Variants in NLGN4X observed in about 807,000 individuals in gnomAD.
NLGN4X encodes the protein neuroligin 4 X-linked, also known as neuroligin-4, X-linked.
In NLGN4X, 3 loss-of-function variants were observed where a neutral mutation model predicts 40.3. The ratio of observed to expected loss-of-function variants is 0.07; its 90% CI spans 0.03 to 0.19. The LOEUF is 0.19. Among genes scored for constraint, NLGN4X ranks in the 10% least tolerant of loss-of-function variants. The probability of loss-of-function intolerance (pLI) is 1.00; values close to 1 mark genes in which losing one functional copy is unlikely to be tolerated. For missense variants in NLGN4X, 382 were observed against 708.3 expected, an observed-to-expected ratio of 0.54 and a Z score of 5.23; for synonymous variants, 270 against 306.8, an observed-to-expected ratio of 0.88 and a Z score of 1.25.
At chrX:6,094,740 G>C (rs993346987) in intron 2 of NLGN4X, among the ~76,000 whole-genome samples, 2 of 111,702 alleles carry the variant, frequency 1.8e-5, no homozygotes, top group Admixed American at 9.5e-5. Context: ...GAAGATCTCA[G>C]AGGATCTGCT....
chrX:6,071,784 C>T (rs894396678), intron 2 of NLGN4X, among the ~76,000 whole-genome samples: 19 of 112,015 alleles, frequency 1.7e-4, no homozygotes, highest in African/African-American at 6.2e-4. Flanking sequence ...AATGAAGATG[C>T]TTGGAGAGTG....
chrX:6,157,006 C>A (rs1373304085), intron 1 of NLGN4X, among the ~76,000 whole-genome samples: 1 of 110,924 alleles, frequency 9.0e-6, no homozygotes, highest in Non-Finnish European at 1.9e-5. Flanking sequence ...AAAAATGTGG[C>A]CAGGCATGGT....
At chrX:6,166,933 A>G (rs1372766297) in intron 1 of NLGN4X, among the ~76,000 whole-genome samples, 1 of 109,321 alleles carries the variant, frequency 9.1e-6, no homozygotes, top group Non-Finnish European at 1.9e-5. Context: ...TTAGCTGGAC[A>G]TGGTGTTGCA....
chrX:6,007,569 C>T (rs1296673507), intron 3 of NLGN4X, among the ~76,000 whole-genome samples: 1 of 112,122 alleles, frequency 8.9e-6, no homozygotes. Context: ...TTTCTTAAAA[C>T]ACGTATTTTG....
chrX:6,053,141 A>T (rs764975116), intron 2 of NLGN4X, among the ~76,000 whole-genome samples: 57 of 111,728 alleles, frequency 5.1e-4, no homozygotes, highest in Non-Finnish European at 7.9e-4. Context: ...CCCCCATGAG[A>T]CTGAAGCTGC....
intron 2 of NLGN4X, among the ~76,000 whole-genome samples, chrX:6,109,604 C>G (rs904078831): frequency 2.7e-5 from 3 of 111,889 alleles, no homozygotes; most frequent in African/African-American, 9.8e-5. Flanking sequence ...CTCTCACTTT[C>G]TGATCCAGCA....
intron 3 of NLGN4X, among the ~76,000 whole-genome samples, chrX:5,932,866 A>T (rs1241959715): frequency 9.0e-6 from 1 of 111,636 alleles, no homozygotes; most frequent in Non-Finnish European, 1.9e-5. Flanking sequence ...AAACAAAAAG[A>T]ACAAAAACCT....
intron 3 of NLGN4X, among the ~76,000 whole-genome samples, chrX:5,968,694 T>C (rs1041087354): frequency 9.2e-6 from 1 of 108,238 alleles, no homozygotes; most frequent in African/African-American, 3.4e-5. Flanking sequence ...ATAGTTTTTC[T>C]GGACCATTCA....
At chrX:6,072,452 T>C (rs1460138922) in intron 2 of NLGN4X, among the ~76,000 whole-genome samples, 1 of 111,570 alleles carries the variant, frequency 9.0e-6, no homozygotes, top group East Asian at 2.8e-4. Flanking sequence ...TATTAGATCA[T>C]ATATAAGATA....
intron 1 of NLGN4X, among the ~76,000 whole-genome samples, chrX:6,157,206 C>A (rs988166459): frequency 6.3e-5 from 7 of 111,476 alleles, no homozygotes; most frequent in African/African-American, 2.3e-4. Context: ...CATCACCTCC[C>A]TCACCATTTC....
rs773648262 is a variant in NLGN4X at position 5,903,799 on chromosome X, C to T, written c.879G>A (p.Pro293=). The change falls in exon 5 of 6, where the codon CCG becomes CCA. Residue 293 remains proline, a synonymous_variant. Coordinates refer to ENST00000381095, the MANE Select transcript of NLGN4X (RefSeq NM_181332.3). ...CTGCCAATATCCGAGTGTACTTGGC[C>T]GGCTGGTAGTTCACTGCCCAGCTGG... ...ALSSWAVNYQ[P]AKYTRILADK... is the part of the protein sequence containing the mutation. 2.7e-5 allele frequency: 33 copies of T among 1,210,035 alleles called. No homozygotes were observed. In the South Asian group the frequency reaches 3.5e-4, roughly 13 times the overall value.
rs149519027 is a variant in NLGN4X, at chrX:5,961,765, T to C, written c.626-52526A>G. 3.6e-3 allele frequency among the ~76,000 whole-genome samples: 406 copies of C among 112,026 alleles called. 2 individuals are homozygous for C. The highest frequency in any genetic ancestry group is 9.2e-3 in the Middle Eastern group (2 of 217). ...TGCCGTGGATACTAAAAAATGTGAG[T>C]CATTTCAAACTTTAAACATATTTTT... On this transcript the variant is annotated intron_variant, in intron 3 of 5. Coordinates refer to ENST00000381095, the MANE Select transcript of NLGN4X (RefSeq NM_181332.3).
chrX:6,216,917 G>C (rs961881938), intron 1 of NLGN4X, among the ~76,000 whole-genome samples: 1 of 111,803 alleles, frequency 8.9e-6, no homozygotes, highest in Non-Finnish European at 1.9e-5. Context: ...AGCCTCCTGA[G>C]TAACAGGGAC....
At chrX:6,127,451 T>C (rs2039582442) in intron 2 of NLGN4X, among the ~76,000 whole-genome samples, 1 of 111,403 alleles carries the variant, frequency 9.0e-6, no homozygotes, top group African/African-American at 3.3e-5. Context: ...TCTACTAAAA[T>C]TACAAAAATT....
chrX:5,929,956 G>A (rs1007139264), intron 3 of NLGN4X, among the ~76,000 whole-genome samples: 1 of 112,345 alleles, frequency 8.9e-6, no homozygotes, highest in Non-Finnish European at 1.9e-5. Context: ...AGCAAGGCCT[G>A]TGTGTTCAGA....
Position 6,004,005 on chromosome X carries a change from G to A in NLGN4X, c.625+25275C>T, listed in dbSNP as rs1029884988. ...CAGCGAGTGAGCAGGGTTCACCCCCGCTGGCCTGGAAGCAGCCGGCTAGTT... is the reference window on the plus strand; with the variant it reads ...CAGCGAGTGAGCAGGGTTCACCCCCACTGGCCTGGAAGCAGCCGGCTAGTT... On this transcript the variant is annotated intron_variant, in intron 3 of 5. Coordinates refer to ENST00000381095, the MANE Select transcript of NLGN4X (RefSeq NM_181332.3). 3.6e-5 allele frequency among the ~76,000 whole-genome samples: 4 copies of A among 112,494 alleles called. No homozygotes were observed. In the South Asian group the frequency reaches 1.5e-3, roughly 41 times the overall value.
chrX:6,139,447 GT>G (rs753571222), intron 2 of NLGN4X, among the ~76,000 whole-genome samples: 1 of 111,828 alleles, frequency 8.9e-6, no homozygotes, highest in East Asian at 2.8e-4. Context: ...TTTTGTCTTA[GT>G]TTTATCTCTC....
At chrX:6,195,365 G>A (rs1922947560) in intron 1 of NLGN4X, among the ~76,000 whole-genome samples, 1 of 112,182 alleles carries the variant, frequency 8.9e-6, no homozygotes, top group East Asian at 2.8e-4. Context: ...GCTTTCACCT[G>A]CCTGCCATAG....
At chrX:5,931,600 T>A (rs951332608) in intron 3 of NLGN4X, among the ~76,000 whole-genome samples, 2 of 111,816 alleles carry the variant, frequency 1.8e-5, no homozygotes, top group African/African-American at 6.5e-5. Context: ...TTTAGAATCC[T>A]ACCTTTAATG....
Sources: allele counts gnomAD v4.1 joint callset (sites outside exome capture counted in the v4.1 genomes callset), GRCh38; gene constraint gnomAD v4.1.1; transcripts MANE v1.5; gene names NCBI Gene and HGNC (gene_info 2026-07-23, HGNC 2026-07-21).